Variants in SSUH2 observed in about 807,000 individuals in gnomAD.
The protein encoded by SSUH2 is protein SSUH2 homolog.
SSUH2 carries 47 observed loss-of-function variants against 55.3 expected under a neutral mutation model. The ratio of observed to expected loss-of-function variants is 0.85; its 90% CI spans 0.67 to 1.08. The LOEUF (loss-of-function observed/expected upper bound fraction) is 1.08. Ranked by LOEUF, SSUH2 falls within the 50% of genes least tolerant of loss-of-function variation. SSUH2 has a pLI of 0.00. For missense variants in SSUH2, 535 were observed against 490.7 expected (o/e 1.09, Z -0.85); for synonymous variants, 212 against 191.5 (o/e 1.11, Z -0.89).
At chr3:8,661,779 G>A (rs1215785579) in intron 6 of SSUH2, among the ~76,000 whole-genome samples, 4 of 152,290 alleles carry the variant, frequency 2.6e-5, no homozygotes, top group South Asian at 2.1e-4. Context: ...TAAGCATACC[G>A]ATATGGTTTG....
At chr3:8,648,278 A>G (rs1358714633), upstream of SSUH2, among the ~76,000 whole-genome samples, 1 of 152,316 alleles carries the variant, frequency 6.6e-6, no homozygotes, top group South Asian at 2.1e-4. Flanking sequence ...GTTGGCACCA[A>G]GGCCCTGATG....
rs955978762 is a variant in SSUH2 at position 8,632,670 on chromosome 3, A to T, written c.340-561T>A. Among the ~76,000 whole-genome samples, 8 of 152,330 alleles carry T rather than the reference A, an allele frequency of 5.3e-5. No homozygotes were observed. The East Asian group carries it at 1.5e-3, about 29-fold the overall frequency. On this transcript the variant is annotated intron_variant, in intron 4 of 11. Transcript: ENST00000544814. ...CTGCTCTAACCACTGCCTGCAAGTG[A>T]TTATGTGCTCCTCAGAGGGTGGCTG...
chr3:8,624,115 G>A lies in SSUH2; in HGVS notation c.874-459C>T, dbSNP rs187468317. On this transcript the variant is annotated intron_variant, in intron 10 of 11. Coordinates refer to ENST00000544814, the MANE Select transcript of SSUH2 (RefSeq NM_001256748.3). Reference sequence around the variant, plus strand: ...CTTGCACTCAACCTACAGAAAGTCCGGGCACTGGGGCATCTCCTCGGTCCC... The same window carrying A: ...CTTGCACTCAACCTACAGAAAGTCCAGGCACTGGGGCATCTCCTCGGTCCC... 1.4e-4 allele frequency among the ~76,000 whole-genome samples: 22 copies of A among 152,028 alleles called. 2 individuals are homozygous for A. In the East Asian group the frequency reaches 1.7e-3, roughly 12 times the overall value.
intron 5 of SSUH2, among the ~76,000 whole-genome samples, chr3:8,667,917 C>T (rs1247065430): frequency 1.3e-5 from 2 of 152,268 alleles, no homozygotes; most frequent in Non-Finnish European, 2.9e-5. Context: ...CTGAGAATCC[C>T]TTAGTACCCA....
rs748540146 is a variant in SSUH2, at chr3:8,625,641, G to A, written c.774C>T (p.Asn258=). Residue 258 remains asparagine (N), a synonymous_variant, in exon 10 of 12, where the codon AAC becomes AAT. Coordinates refer to ENST00000544814, the MANE Select transcript of SSUH2 (RefSeq NM_001256748.3). ...GCTCAGACACAAACTCAAACAAGCT[G>A]TTCTTCCTGGAGGGAAGGAGGATGA... ...HFIQLVIMWK[N]SLFEFVSEHR... 1 of 1,612,116 alleles carries A rather than the reference G, an allele frequency of 6.2e-7. No homozygotes were observed.
At chr3:8,670,965 C>T (rs964280715) in intron 5 of SSUH2, 8 of 399,362 alleles carry the variant, frequency 2.0e-5, no homozygotes, top group East Asian at 7.2e-5. Flanking sequence ...TAACATCCCC[C>T]GAGGATATAA....
At chr3:8,634,280 G>A in intron 3 of SSUH2, 1 of 836,566 alleles carries the variant, frequency 1.2e-6, no homozygotes, top group Non-Finnish European at 1.7e-6. Context: ...CGCCCATGGA[G>A]ACTCACCCTG....
Position 8,635,797 on chromosome 3 carries a change from T to G in SSUH2, c.89A>C (p.Glu30Ala). 1 of 1,536,028 alleles carries G rather than the reference T, an allele frequency of 6.5e-7. No individual in the cohort carries two copies. Among genetic ancestry groups the G allele is most frequent in the South Asian group, 1.2e-5 (1 of 84,020 alleles). The stretch of plus-strand genomic sequence containing the variant: ...AAGCCAGTCATAGCTGGGCAGTCTC[T>G]CCAGGAGCTCTGTGGGGGGCGCCAG... ...SPLAPPTELL[E>A]RLPSYDWLLQ... Residue 30 changes from glutamate to alanine, a missense_variant, in exon 2 of 12, where the codon GAG (glutamate) becomes GCG (alanine). By Grantham distance (107) the Glu-to-Ala change is moderately radical (BLOSUM62 -1). Coordinates refer to ENST00000544814, the MANE Select transcript of SSUH2 (RefSeq NM_001256748.3).
chr3:8,665,087 T>C (rs545519806), intron 5 of SSUH2, among the ~76,000 whole-genome samples: 1 of 152,104 alleles, frequency 6.6e-6, no homozygotes, highest in Non-Finnish European at 1.5e-5. Flanking sequence ...ACTGCAGGAG[T>C]CCTTTTGTGT....
At chr3:8,660,438 A>T (rs411847) in intron 6 of SSUH2, among the ~76,000 whole-genome samples, 8,838 of 152,136 alleles carry the variant, frequency 0.058, 364 homozygotes, top group Non-Finnish European at 0.084. Context: ...AGGGTTAAGA[A>T]GAAAAGAACA....
At chr3:8,675,438 C>A (rs1705131780) in intron 3 of SSUH2, among the ~76,000 whole-genome samples, 1 of 152,190 alleles carries the variant, frequency 6.6e-6, no homozygotes, top group Non-Finnish European at 1.5e-5. Flanking sequence ...TGCTGGGACA[C>A]CCCATTGCAG....
At chr3:8,664,873 C>T (rs1017197373) in intron 5 of SSUH2, among the ~76,000 whole-genome samples, 8 of 152,246 alleles carry the variant, frequency 5.3e-5, no homozygotes, top group African/African-American at 1.7e-4. Flanking sequence ...TCAAACGTTT[C>T]TCAAGAAAGG....
intron 5 of SSUH2, among the ~76,000 whole-genome samples, chr3:8,664,416 G>C (rs375375187): frequency 9.2e-5 from 14 of 152,296 alleles, no homozygotes; most frequent in East Asian, 5.8e-4. Flanking sequence ...AGTCATGCTT[G>C]GAGGCCCCAA....
intron 1 of SSUH2, among the ~76,000 whole-genome samples, chr3:8,636,826 G>C (rs1441116592): frequency 6.6e-6 from 1 of 152,114 alleles, no homozygotes; most frequent in Non-Finnish European, 1.5e-5. Context: ...ACCCAAACTG[G>C]TACACTAACG....
At chr3:8,681,713 G>C (rs552382355) in intron 1 of SSUH2, among the ~76,000 whole-genome samples, 1 of 150,306 alleles carries the variant, frequency 6.7e-6, no homozygotes, top group African/African-American at 2.4e-5. Context: ...ATCGCAGCGG[G>C]GGGAGGCACC....
intron 9 of SSUH2, 37 bp downstream of exon 9, chr3:8,626,192 C>T: frequency 6.4e-7 from 1 of 1,558,088 alleles, no homozygotes; most frequent in Non-Finnish European, 8.8e-7. Context: ...CCCTCAGCCA[C>T]CCCCGCATGC....
Position 8,623,050 on chromosome 3 carries a change from C to T in SSUH2, c.981+499G>A, listed in dbSNP as rs1696761549. ...CTGGCTGCAGCAGCAGCAGAAGGGG[C>T]TACTCAGGGCTGCTCCTGGGGATGT... On this transcript the variant is annotated intron_variant, in intron 11 of 11. Coordinates refer to ENST00000544814, the MANE Select transcript of SSUH2 (RefSeq NM_001256748.3). 4.6e-5 allele frequency among the ~76,000 whole-genome samples: 7 copies of T among 152,328 alleles called. No homozygotes were observed. In the South Asian group the frequency reaches 1.2e-3, roughly 27 times the overall value.
chr3:8,633,599 C>T, intron 4 of SSUH2, 67 bp downstream of exon 4: 1 of 1,342,440 alleles, frequency 7.4e-7, no homozygotes. Flanking sequence ...AACAGGCCTC[C>T]ACTGTCCCAA....
At chr3:8,666,244 C>T (rs746686743) in intron 5 of SSUH2, among the ~76,000 whole-genome samples, 3 of 152,066 alleles carry the variant, frequency 2.0e-5, no homozygotes, top group East Asian at 3.8e-4. Flanking sequence ...TAAAAAGAAA[C>T]GTTTAGCACT....
Sources: allele counts gnomAD v4.1 joint callset (sites outside exome capture counted in the v4.1 genomes callset), GRCh38; gene constraint gnomAD v4.1.1; transcripts MANE v1.5; gene names NCBI Gene and HGNC (gene_info 2026-07-23, HGNC 2026-07-21).